The following PDLIM5 variants were observed in gnomAD, a reference collection of about 807,000 sequenced individuals.
The protein encoded by PDLIM5 is PDZ and LIM domain 5, also known as PDZ and LIM domain protein 5.
In PDLIM5, 34 loss-of-function variants were observed where a neutral mutation model predicts 64.2. That is an observed-to-expected ratio of 0.53 (90% CI 0.40 to 0.71). The LOEUF (loss-of-function observed/expected upper bound fraction) is 0.71. Ranked by LOEUF, PDLIM5 falls within the 30% of genes least tolerant of loss-of-function variation. The probability of loss-of-function intolerance (pLI) is 0.00; values close to 1 mark genes in which losing one functional copy is unlikely to be tolerated. For missense variants in PDLIM5, 683 were observed against 733.6 expected, an observed-to-expected ratio of 0.93 and a Z score of 0.80; for synonymous variants, 253 against 269.1, an observed-to-expected ratio of 0.94 and a Z score of 0.59.
chr4:94,486,670 C>T (rs2438140), intron 2 of PDLIM5, among the ~76,000 whole-genome samples: 86,364 of 151,976 alleles, frequency 0.57, 26,704 homozygotes, highest in African/African-American at 0.82. Flanking sequence ...GAAGTGAACA[C>T]GATGCTTGGA....
intron 3 of PDLIM5, among the ~76,000 whole-genome samples, chr4:94,563,416 C>A (rs1734010662): frequency 6.6e-6 from 1 of 152,114 alleles, no homozygotes; most frequent in South Asian, 2.1e-4. Flanking sequence ...TTAAAAATAT[C>A]TAAACTCACC....
chr4:94,614,541 ATTC>A (rs1738622022), intron 7 of PDLIM5, among the ~76,000 whole-genome samples: 1 of 152,218 alleles, frequency 6.6e-6, no homozygotes, highest in African/African-American at 2.4e-5. Flanking sequence ...AAACCCTAAT[ATTC>A]TTCCATTACA....
At chr4:94,503,281 T>C (rs1728094140) in intron 2 of PDLIM5, among the ~76,000 whole-genome samples, 1 of 152,194 alleles carries the variant, frequency 6.6e-6, no homozygotes, top group African/African-American at 2.4e-5. Flanking sequence ...CTGAGCAAAC[T>C]CAGGACGATA....
intron 12 of PDLIM5, 79 bp downstream of exon 12, chr4:94,662,616 T>C: frequency 1.6e-6 from 1 of 615,342 alleles, no homozygotes; most frequent in East Asian, 2.7e-5. Context: ...AAATATCAGC[T>C]TCTGGGTCTT....
chr4:94,508,671 A>G (rs928417615), intron 2 of PDLIM5, among the ~76,000 whole-genome samples: 2 of 152,228 alleles, frequency 1.3e-5, no homozygotes, highest in Non-Finnish European at 2.9e-5. Context: ...CACATAATAT[A>G]TACAATCTGT....
intron 2 of PDLIM5, among the ~76,000 whole-genome samples, chr4:94,478,890 GTTTTTTTTTTTTT>G (rs67013211): frequency 3.2e-5 from 3 of 94,084 alleles, no homozygotes; most frequent in African/African-American, 1.3e-4. Flanking sequence ...TGTGCTTGGT[GTTTTTTTTTTTTT>G]TTTTTTTTTT....
At chr4:94,573,414 C>T (rs1352628753) in intron 4 of PDLIM5, 21 bp downstream of exon 4, 2 of 1,587,016 alleles carry the variant, frequency 1.3e-6, no homozygotes, top group South Asian at 2.2e-5. Context: ...AAGCTAGCAC[C>T]CAGAGTATCA....
chr4:94,635,813 C>G (rs1418936778), intron 8 of PDLIM5, among the ~76,000 whole-genome samples: 2 of 152,180 alleles, frequency 1.3e-5, no homozygotes, highest in Non-Finnish European at 2.9e-5. Context: ...GTGAGAAATT[C>G]AGTCTGAAGA....
chr4:94,521,528 G>T (rs1246362330), intron 2 of PDLIM5, among the ~76,000 whole-genome samples: 2 of 151,728 alleles, frequency 1.3e-5, no homozygotes, highest in African/African-American at 2.4e-5. Flanking sequence ...GAAAATAAGG[G>T]TGACAGAATA....
intron 3 of PDLIM5, among the ~76,000 whole-genome samples, chr4:94,560,810 T>C (rs568918812): frequency 6.6e-6 from 1 of 152,294 alleles, no homozygotes; most frequent in African/African-American, 2.4e-5. Context: ...TACTGCATGC[T>C]CCACCTCCCG....
At chr4:94,565,931 A>C in intron 3 of PDLIM5, among the ~76,000 whole-genome samples, 1 of 152,038 alleles carries the variant, frequency 6.6e-6, no homozygotes, top group East Asian at 1.9e-4. Flanking sequence ...ATATATGTAT[A>C]TATTATATAC....
intron 12 of PDLIM5, 97 bp from the exon 13 acceptor site, chr4:94,663,881 T>C: frequency 1.6e-6 from 2 of 1,279,412 alleles, no homozygotes; most frequent in Non-Finnish European, 2.1e-6. Flanking sequence ...TATTATCCAT[T>C]GGGGGGAAAA....
chr4:94,493,610 A>G (rs1727069645), intron 2 of PDLIM5, among the ~76,000 whole-genome samples: 1 of 152,234 alleles, frequency 6.6e-6, no homozygotes, highest in African/African-American at 2.4e-5. Context: ...CATAAAGATG[A>G]TAATTTAGTA....
chr4:94,585,872 A>G, intron 6 of PDLIM5, 135 bp downstream of exon 6: 1 of 639,274 alleles, frequency 1.6e-6, no homozygotes, highest in East Asian at 2.8e-5. Flanking sequence ...TAACATGGGT[A>G]ATATAAATAA....
At chr4:94,505,273 T>G (rs529672303) in intron 2 of PDLIM5, among the ~76,000 whole-genome samples, 1 of 152,208 alleles carries the variant, frequency 6.6e-6, no homozygotes, top group East Asian at 1.9e-4. Flanking sequence ...ACTTTTTTTT[T>G]TTTTGGAAAC....
intron 9 of PDLIM5, among the ~76,000 whole-genome samples, chr4:94,654,255 T>G (rs1414526083): frequency 6.6e-6 from 1 of 152,164 alleles, no homozygotes; most frequent in Non-Finnish European, 1.5e-5. Flanking sequence ...AGGAATCCCT[T>G]AAGTGCACGT....
intron 3 of PDLIM5, among the ~76,000 whole-genome samples, chr4:94,554,811 A>G (rs1024374472): frequency 2.2e-4 from 34 of 152,214 alleles, no homozygotes; most frequent in African/African-American, 8.2e-4. Flanking sequence ...ATATATCTGT[A>G]TCTGTGTATA....
chr4:94,652,857 C>T (rs1286030404), intron 9 of PDLIM5, among the ~76,000 whole-genome samples: 2 of 152,262 alleles, frequency 1.3e-5, no homozygotes, highest in African/African-American at 4.8e-5. Flanking sequence ...TACCCTCTTA[C>T]ACCCCACGTA....
rs1742978516 is a variant in PDLIM5 at position 94,664,606 on chromosome 4, A to G, written c.*539A>G. ...GCTTGTAGGCTGAGCGCGGTGGCTC[A>G]CGCCTGTAATCCCAGCACTTTGGGA... is the stretch of plus-strand genomic sequence containing the variant. On this transcript the variant is annotated 3_prime_UTR_variant, in exon 13 of 13. Transcript: ENST00000317968. 1 of 698,436 alleles carries G rather than the reference A, an allele frequency of 1.4e-6. No individual in the cohort carries two copies. Among genetic ancestry groups the G allele is most frequent in the Non-Finnish European group, 1.8e-6 (1 of 568,018 alleles). The allele number at this position is 698,436 out of a possible 1,614,324, so 43.3% of individuals were successfully genotyped here.
Sources: allele counts gnomAD v4.1 joint callset (sites outside exome capture counted in the v4.1 genomes callset), GRCh38; gene constraint gnomAD v4.1.1; transcripts MANE v1.5; gene names NCBI Gene and HGNC (gene_info 2026-07-23, HGNC 2026-07-21).